TBC1D12: variants seen among roughly 807,000 people sequenced by gnomAD.
The protein encoded by TBC1D12 is TBC1 domain family member 12, also known as TBC1 domain family, member 12.
TBC1D12 carries 56 observed loss-of-function variants against 86.7 expected under a neutral mutation model. The observed-to-expected ratio is 0.65, with a 90% CI of 0.52 to 0.81. The LOEUF (loss-of-function observed/expected upper bound fraction) is 0.81. Ranked by LOEUF, TBC1D12 falls within the 30% of genes least tolerant of loss-of-function variation. The pLI is 0.00. For synonymous variants in TBC1D12, 421 were observed against 411.7 expected, an observed-to-expected ratio of 1.02 and a Z score of -0.27; for missense variants, 1,023 against 1,038.8, an observed-to-expected ratio of 0.98 and a Z score of 0.21.
chr10:94,506,552 C>A (rs557971844), intron 6 of TBC1D12, among the ~76,000 whole-genome samples: 1 of 151,844 alleles, frequency 6.6e-6, no homozygotes, highest in African/African-American at 2.4e-5. Flanking sequence ...AAATAAAGAC[C>A]AAAAAAATTT....
intron 2 of TBC1D12, among the ~76,000 whole-genome samples, chr10:94,444,246 T>C (rs2055420166): frequency 6.6e-6 from 1 of 151,598 alleles, no homozygotes; most frequent in South Asian, 2.1e-4. Context: ...TTTTAGCAGT[T>C]ACTAAGTGTT....
intron 2 of TBC1D12, among the ~76,000 whole-genome samples, chr10:94,457,759 C>T (rs892466411): frequency 1.3e-5 from 2 of 152,034 alleles, no homozygotes; most frequent in African/African-American, 4.8e-5. Flanking sequence ...TATATGATTC[C>T]ATTTTCTCCC....
intron 4 of TBC1D12, among the ~76,000 whole-genome samples, chr10:94,494,688 C>T (rs998505750): frequency 4.0e-5 from 6 of 151,734 alleles, no homozygotes; most frequent in South Asian, 2.1e-4. Context: ...GGACCATAGG[C>T]GTGCACCACC....
chr10:94,506,285 C>T (rs1226174021), intron 6 of TBC1D12, among the ~76,000 whole-genome samples: 3 of 152,034 alleles, frequency 2.0e-5, no homozygotes, highest in South Asian at 2.1e-4. Context: ...GTGATCCACC[C>T]GCCTCGGCCT....
At chr10:94,461,171 A>T (rs950924160) in intron 2 of TBC1D12, among the ~76,000 whole-genome samples, 1 of 152,162 alleles carries the variant, frequency 6.6e-6, no homozygotes, top group Non-Finnish European at 1.5e-5. Context: ...GGGTAAAAGG[A>T]ACTGGTAAAT....
chr10:94,523,076 G>T (rs912773188), intron 11 of TBC1D12, among the ~76,000 whole-genome samples: 11 of 148,672 alleles, frequency 7.4e-5, no homozygotes, highest in Non-Finnish European at 1.6e-4. Flanking sequence ...ACTTAGCTGG[G>T]TGTAGTCGCT....
chr10:94,437,352 G>A (rs2055316119), intron 1 of TBC1D12, among the ~76,000 whole-genome samples: 1 of 151,460 alleles, frequency 6.6e-6, no homozygotes, highest in Admixed American at 6.6e-5. Context: ...TTGAGACAGA[G>A]TCTCGCTGTG....
chr10:94,524,822 A>T (rs562315656), intron 11 of TBC1D12, among the ~76,000 whole-genome samples: 52 of 149,702 alleles, frequency 3.5e-4, no homozygotes, highest in Admixed American at 1.1e-3. Flanking sequence ...TCATTAAAAA[A>T]TTTTTTTTTT....
In TBC1D12 at chr10:94,510,222, A is replaced by G. The variant is rs376826206; in HGVS notation, c.1689+43A>G. 6 of 1,388,680 alleles carry G rather than the reference A, an allele frequency of 4.3e-6. No homozygotes were observed. In the East Asian group the frequency reaches 7.6e-5, roughly 18 times the overall value. The allele number at this position is 1,388,680 out of a possible 1,614,324, so 86.0% of individuals were successfully genotyped here. ...GCTTGTAATTACTTAAAAAAAATCTATCAATATCCAAGGCAACAGATTCTT... is the reference window on the plus strand; with the variant it reads ...GCTTGTAATTACTTAAAAAAAATCTGTCAATATCCAAGGCAACAGATTCTT... On this transcript the variant is annotated intron_variant, in intron 8 of 12. Coordinates refer to ENST00000225235, the MANE Select transcript of TBC1D12 (RefSeq NM_015188.2).
intron 4 of TBC1D12, 136 bp from the exon 5 acceptor site, chr10:94,496,919 C>T: frequency 2.3e-6 from 1 of 425,552 alleles, no homozygotes; most frequent in Non-Finnish European, 4.2e-6. Context: ...CCTGTCCCTC[C>T]CTCCCTTATT....
intron 1 of TBC1D12, among the ~76,000 whole-genome samples, chr10:94,428,314 G>A (rs909128193): frequency 9.0e-5 from 13 of 145,042 alleles, no homozygotes; most frequent in Middle Eastern, 3.2e-3. Flanking sequence ...TTAAGACAGG[G>A]TCTCACTGTG....
intron 3 of TBC1D12, among the ~76,000 whole-genome samples, chr10:94,482,032 G>T (rs1034392134): frequency 1.1e-4 from 17 of 152,124 alleles, no homozygotes; most frequent in African/African-American, 3.6e-4. Context: ...AGGTTCCAGG[G>T]TACATCTGAA....
chr10:94,418,363 AC>A (rs1329661920), intron 1 of TBC1D12, among the ~76,000 whole-genome samples: 1 of 152,206 alleles, frequency 6.6e-6, no homozygotes, highest in African/African-American at 2.4e-5. Context: ...AATCCAGATT[AC>A]AGCATCTGTA....
chr10:94,447,676 C>T (rs1222529865), intron 2 of TBC1D12: 1 of 984,534 alleles, frequency 1.0e-6, no homozygotes, highest in African/African-American at 1.8e-5. Context: ...AGTTGGTGAG[C>T]CGTGTTAAAA....
intron 4 of TBC1D12, among the ~76,000 whole-genome samples, 174 bp downstream of exon 4, chr10:94,493,621 AG>A (rs2056275636): frequency 6.6e-6 from 1 of 152,064 alleles, no homozygotes. Context: ...ATGCAGTCAC[AG>A]CTCACTGTAG....
At chr10:94,521,746 G>A (rs1330687235) in intron 9 of TBC1D12, among the ~76,000 whole-genome samples, 4 of 152,070 alleles carry the variant, frequency 2.6e-5, no homozygotes, top group Admixed American at 1.3e-4. Flanking sequence ...TCTCCCTAAT[G>A]TTGAAAAACC....
intron 3 of TBC1D12, among the ~76,000 whole-genome samples, chr10:94,479,432 A>T (rs1360328829): frequency 6.6e-6 from 1 of 152,108 alleles, no homozygotes; most frequent in Non-Finnish European, 1.5e-5. Flanking sequence ...TTTTATCTTC[A>T]CAATTCTTTG....
chr10:94,489,108 T>C (rs1389923588), intron 3 of TBC1D12, among the ~76,000 whole-genome samples: 2 of 152,158 alleles, frequency 1.3e-5, no homozygotes, highest in Non-Finnish European at 2.9e-5. Context: ...TGTCCTAGAC[T>C]GTCTTTCAAG....
chr10:94,529,445 G>T (rs903061722), intron 11 of TBC1D12, among the ~76,000 whole-genome samples: 2 of 152,176 alleles, frequency 1.3e-5, no homozygotes, highest in South Asian at 4.1e-4. Flanking sequence ...ATGGAGAAAC[G>T]CCGTCTCTAC....
Sources: gnomAD v4.1 joint callset for allele counts (sites outside exome capture counted in the v4.1 genomes callset) on GRCh38, gnomAD v4.1.1 for gene constraint, MANE v1.5 for transcripts, NCBI Gene and HGNC (gene_info 2026-07-23, HGNC 2026-07-21) for gene names.